The following HDAC7 variants were observed in gnomAD, a reference collection of about 807,000 sequenced individuals.
HDAC7 encodes histone deacetylase 7.
In HDAC7, 26 loss-of-function variants were observed where a neutral mutation model predicts 115.5. The ratio of observed to expected loss-of-function variants is 0.23; its 90% confidence interval spans 0.16 to 0.31. HDAC7 has a LOEUF of 0.31. Among genes scored for constraint, HDAC7 ranks in the 10% least tolerant of loss-of-function variants. The probability of loss-of-function intolerance (pLI) is 1.00; values close to 1 mark genes in which losing one functional copy is unlikely to be tolerated. For missense variants in HDAC7, 1,068 were observed against 1,329.0 expected (o/e 0.80, Z 3.05); for synonymous variants, 564 against 550.9 (o/e 1.02, Z -0.33).
intron 1 of HDAC7, among the ~76,000 whole-genome samples, chr12:47,816,091 C>A (rs756342757): frequency 6.6e-6 from 1 of 151,956 alleles, no homozygotes; most frequent in Admixed American, 6.6e-5. Context: ...AGGGTTTCGC[C>A]GCATTGGCCA....
Position 47,789,887 on chromosome 12 carries a change from A to G in HDAC7, c.2017T>C (p.Ser673Pro). ...GCGGCCCAGCGGGCTGCATTGGAGG[A>G]ATGAAGCTCATTCCAGATGGTGTCA... ...DTDTIWNELHSSNAARWAAGS... is the reference protein window; with the variant it reads ...DTDTIWNELHPSNAARWAAGS... The change falls in exon 17 of 26, where the codon TCC (serine) becomes CCC (proline). Residue 673 changes from serine (S) to proline (P), a missense_variant. By Grantham distance (74) the Ser-to-Pro change is moderately conservative. This residue lies in a region of HDAC7 where 182 missense variants were observed against 301.1 expected (regional missense o/e 0.60). Coordinates refer to ENST00000080059, the MANE Select transcript of HDAC7 (RefSeq NM_015401.5). 6.2e-7 allele frequency: 1 copy of G among 1,613,804 alleles called. No homozygotes were observed. The highest frequency in any genetic ancestry group is 8.5e-7 in the Non-Finnish European group (1 of 1,179,970).
At position 47,798,214 on chromosome 12, in the gene HDAC7, C is replaced by A. The variant is rs1389982937; in HGVS notation, c.355G>T (p.Val119Leu). 2 of 1,613,110 alleles carry A rather than the reference C, an allele frequency of 1.2e-6. No individual in the cohort carries two copies. The highest frequency in any genetic ancestry group is 1.7e-6 in the Non-Finnish European group (2 of 1,179,448). The change falls in exon 5 of 26, where the codon GTA becomes TTA. Residue 119 changes from valine (V) to leucine (L), a missense_variant. By Grantham distance (32) the Val-to-Leu change is conservative (BLOSUM62 1). Around this residue, in one of 6 missense-constraint regions of HDAC7, gnomAD observed 161 missense variants for 158.5 expected, o/e 1.02. Transcript: ENST00000080059. The surrounding 1 kb of genome is among the most constrained non-coding windows in gnomAD (Gnocchi z 4.3). ...LHKDKSKRSAVASSVVKQKLA... is the reference protein window; with the variant it reads ...LHKDKSKRSALASSVVKQKLA... Reference sequence around the variant, plus strand: ...TTCTGCTTGACCACGCTGCTGGCTACAGCACCTGTAGGGGCAGAGTCAGGA... The same window carrying A: ...TTCTGCTTGACCACGCTGCTGGCTAAAGCACCTGTAGGGGCAGAGTCAGGA...
At chr12:47,788,781 A>G (rs778567597) in intron 19 of HDAC7, 8 of 157,480 alleles carry the variant, frequency 5.1e-5, no homozygotes, top group African/African-American at 9.6e-5. Flanking sequence ...GTTCAAATCC[A>G]TCTCATGACT....
intron 7 of HDAC7, 129 bp from the exon 8 acceptor site, chr12:47,796,427 T>C (rs1205818439): frequency 7.2e-6 from 1 of 138,692 alleles, no homozygotes; most frequent in Non-Finnish European, 1.3e-5. Flanking sequence ...TCCTGCTTTC[T>C]TTTTTTTTTT....
chr12:47,791,400 G>A, intron 15 of HDAC7, 92 bp from the exon 16 acceptor site: 1 of 1,408,766 alleles, frequency 7.1e-7, no homozygotes, highest in Non-Finnish European at 9.6e-7. Context: ...GGCCGGGTGA[G>A]TATTGGGGGA....
chr12:47,798,988 G>A lies in HDAC7; in HGVS notation c.71-16C>T, dbSNP rs757838945. 2.2e-5 allele frequency: 33 copies of A among 1,473,216 alleles called. No homozygotes were observed. Among genetic ancestry groups the A allele is most frequent in the Non-Finnish European group, 2.7e-5 (30 of 1,110,780 alleles). 91.3% of individuals were successfully genotyped at this position (1,473,216 alleles called of 1,614,324 possible). ...CTGGGGCAGCCTAGGGACAGAGAGA[G>A]GGAGCAGGGTAAACTGGAAAGTTTG... On this transcript the variant is annotated splice_polypyrimidine_tract_variant and intron_variant, in intron 2 of 25. Transcript: ENST00000080059. This position sits in a 1 kb window ranked among gnomAD's most constrained non-coding sequence, Gnocchi z 4.3.
chr12:47,791,819 C>CCCCAAAAAAAA, intron 14 of HDAC7, 52 bp downstream of exon 14: 1 of 1,577,312 alleles, frequency 6.3e-7, no homozygotes, highest in Non-Finnish European at 8.7e-7. Context: ...CCCCTCCCCT[C>CCCCAAAAAAAA]CCATGACTCC....
At position 47,795,810 on chromosome 12, in the gene HDAC7, C is replaced by A. The variant is rs1310374992; in HGVS notation, c.907-43G>T. 2.0e-6 allele frequency: 3 copies of A among 1,520,378 alleles called. No individual in the cohort carries two copies. Among genetic ancestry groups the A allele is most frequent in the Admixed American group, 4.1e-5 (2 of 48,654 alleles). The allele number at this position is 1,520,378 out of a possible 1,614,324, so 94.2% of individuals were successfully genotyped here. On this transcript the variant is annotated intron_variant, in intron 9 of 25. Transcript: ENST00000080059. The surrounding 1 kb of genome is among the most constrained non-coding windows in gnomAD (Gnocchi z 4.3). ...GAAGTCACGGGGAAGAAGATTCCAG[C>A]AGAGAACAATGAAGATGATGGGGTG... is the stretch of plus-strand genomic sequence containing the variant.
intron 24 of HDAC7, chr12:47,785,153 T>G (rs1189314770): frequency 1.3e-5 from 7 of 550,192 alleles, no homozygotes; most frequent in Non-Finnish European, 1.9e-5. Flanking sequence ...AGTCCCTACC[T>G]TGAGGGGCCA....
chr12:47,819,292 C>T (rs1030630853), intron 1 of HDAC7: 1 of 152,444 alleles, frequency 6.6e-6, no homozygotes, highest in African/African-American at 2.4e-5. Context: ...CCCACAAAGC[C>T]CAGCCCCAAC....
At position 47,783,889 on chromosome 12, in the gene HDAC7, G is replaced by A. The variant is rs1592619585; in HGVS notation, c.2931-3C>T. On this transcript the variant is annotated splice_region_variant and splice_polypyrimidine_tract_variant and intron_variant, in intron 25 of 25. Transcript: ENST00000080059. ...CCTCCACCAGCTGCTCCGAGGGCCT[G>A]TGGGGAGGGACAAGGGTGGGATGCT... is the stretch of plus-strand genomic sequence containing the variant. 1 of 1,612,970 alleles carries A rather than the reference G, an allele frequency of 6.2e-7. No homozygotes were observed. The highest frequency in any genetic ancestry group is 2.2e-5 in the East Asian group (1 of 44,852).
chr12:47,796,046 G>A (rs887181028), intron 8 of HDAC7, 30 bp from the exon 9 acceptor site: 36 of 1,544,550 alleles, frequency 2.3e-5, no homozygotes, highest in African/African-American at 2.7e-5. Flanking sequence ...GAGGGTCACC[G>A]GTCCCAGACC....
intron 1 of HDAC7, among the ~76,000 whole-genome samples, chr12:47,810,868 C>T (rs1019092347): frequency 6.6e-6 from 1 of 151,832 alleles, no homozygotes; most frequent in East Asian, 1.9e-4. Flanking sequence ...CTGTCTCTCA[C>T]TCACGGGCAG....
chr12:47,789,826 G>C lies in HDAC7; in HGVS notation c.2078C>G (p.Ser693Cys). The change falls in exon 17 of 26, where the codon TCT becomes TGT. Residue 693 changes from serine (S) to cysteine (C), a missense_variant. By Grantham distance (112) the Ser-to-Cys change is moderately radical. Coordinates refer to ENST00000080059, the MANE Select transcript of HDAC7 (RefSeq NM_015401.5). ...SVTDLAFKVA[S>C]RELKNGFAVV... ...CAAACCTCCTACCTTTAGCTCACGAGAAGCCACTTTGAAGGCGAGGTCAGT... is the reference window on the plus strand; with the variant it reads ...CAAACCTCCTACCTTTAGCTCACGACAAGCCACTTTGAAGGCGAGGTCAGT... The C allele has an allele frequency of 6.2e-7, 1 of 1,613,486 alleles. No homozygotes were observed. Among genetic ancestry groups the C allele is most frequent in the Non-Finnish European group, 8.5e-7 (1 of 1,179,740 alleles).
chr12:47,789,051 G>A, intron 19 of HDAC7: 1 of 572,666 alleles, frequency 1.7e-6, no homozygotes, highest in Non-Finnish European at 3.1e-6. Flanking sequence ...GCAGGGGTTT[G>A]CGATGGCTGA....
Position 47,795,514 on chromosome 12 carries a change from G to A in HDAC7, c.1087+73C>T, listed in dbSNP as rs540437544. ...GGGGACAGAGATGGGGAGGAAGGAT[G>A]GGTCCATCCCAAGCTTGGCTCTTAG... On this transcript the variant is annotated intron_variant, in intron 10 of 25. Transcript: ENST00000080059. The surrounding 1 kb of genome is among the most constrained non-coding windows in gnomAD (Gnocchi z 4.3). The A allele has an allele frequency of 1.1e-5, 16 of 1,475,814 alleles. 1 individual carries two copies. In the Admixed American group the frequency reaches 3.0e-4, roughly 27 times the overall value. 91.4% of individuals were successfully genotyped at this position (1,475,814 alleles called of 1,614,324 possible).
chr12:47,802,641 G>A (rs1287592577), intron 1 of HDAC7: 1 of 641,880 alleles, frequency 1.6e-6, no homozygotes, highest in African/African-American at 1.8e-5. Flanking sequence ...TCGCCCGAGG[G>A]AAAGAAGAAG....
chr12:47,817,722 C>G (rs927539114), intron 1 of HDAC7: 2 of 152,274 alleles, frequency 1.3e-5, no homozygotes, highest in Non-Finnish European at 2.9e-5. Flanking sequence ...AGGCCCCTGC[C>G]GACTTCAAAA....
chr12:47,795,209 A>G lies in HDAC7; in HGVS notation c.1259T>C (p.Leu420Pro). 6.2e-7 allele frequency: 1 copy of G among 1,612,802 alleles called. No individual in the cohort carries two copies. The highest frequency in any genetic ancestry group is 8.5e-7 in the Non-Finnish European group (1 of 1,179,358). Reference sequence around the variant, plus strand: ...CTTGATCACCTGGACGTGAGTTTTGAGCTGCTCCAGGCGGGGCTGCATGGG... The same window carrying G: ...CTTGATCACCTGGACGTGAGTTTTGGGCTGCTCCAGGCGGGGCTGCATGGG... ...PGPMQPRLEQ[L>P]KTHVQVIKRS... The change falls in exon 11 of 26, where the codon CTC becomes CCC. Residue 420 changes from leucine (L) to proline (P), a missense_variant. Leu to Pro is a moderately conservative substitution (Grantham distance 98, BLOSUM62 -3). Transcript: ENST00000080059. The surrounding 1 kb of genome is among the most constrained non-coding windows in gnomAD (Gnocchi z 4.3).
Sources: gnomAD v4.1 joint callset for allele counts (sites outside exome capture counted in the v4.1 genomes callset) on GRCh38, gnomAD v4.1.1 for gene constraint, gnomAD v4.1.1 regional missense constraint, Gnocchi (gnomAD v3.1) non-coding constraint, MANE v1.5 for transcripts, NCBI Gene and HGNC (gene_info 2026-07-23, HGNC 2026-07-21) for gene names.